The following CDH4 variants were observed in gnomAD, a reference collection of about 807,000 sequenced individuals.
CDH4 encodes cadherin 4.
CDH4 carries 33 observed loss-of-function variants against 86.0 expected under a neutral mutation model. The ratio of observed to expected loss-of-function variants is 0.38; its 90% confidence interval spans 0.29 to 0.51. The LOEUF is 0.51. CDH4 is among the 20% of genes least tolerant of loss of function. The probability of loss-of-function intolerance (pLI) is 0.86; values close to 1 mark genes in which losing one functional copy is unlikely to be tolerated. For missense variants in CDH4, 1,114 were observed against 1,307.4 expected, an observed-to-expected ratio of 0.85 and a Z score of 2.28; for synonymous variants, 555 against 549.4, an observed-to-expected ratio of 1.01 and a Z score of -0.14.
chr20:61,494,180 G>C (rs938550775), intron 2 of CDH4, among the ~76,000 whole-genome samples: 3 of 152,226 alleles, frequency 2.0e-5, no homozygotes, highest in Non-Finnish European at 2.9e-5. Flanking sequence ...CCCAGGTTCT[G>C]ACTTAAAATC....
At chr20:61,777,405 G>A (rs916420738) in intron 4 of CDH4, among the ~76,000 whole-genome samples, 4 of 152,222 alleles carry the variant, frequency 2.6e-5, no homozygotes, top group South Asian at 4.1e-4. Context: ...TGCAAGTATC[G>A]CTGTGGCTCA....
chr20:61,459,023 T>C (rs1324980724), intron 2 of CDH4, among the ~76,000 whole-genome samples: 1 of 151,780 alleles, frequency 6.6e-6, no homozygotes, highest in Non-Finnish European at 1.5e-5. Flanking sequence ...GCATTGTCTA[T>C]TCTGTCTGGA....
intron 4 of CDH4, among the ~76,000 whole-genome samples, chr20:61,812,909 C>A (rs1346876459): frequency 6.6e-6 from 1 of 152,194 alleles, no homozygotes; most frequent in Non-Finnish European, 1.5e-5. Flanking sequence ...TCACAGCCGC[C>A]TGGTAACACA....
chr20:61,882,301 G>A (rs1984316463), intron 7 of CDH4, among the ~76,000 whole-genome samples: 1 of 152,268 alleles, frequency 6.6e-6, no homozygotes, highest in South Asian at 2.1e-4. Context: ...AGGTTACTTA[G>A]GAGGAAGGAG....
rs2180098 is a variant in CDH4, at chr20:61,629,970, T to G, written c.170-113593T>G. On this transcript the variant is annotated intron_variant, in intron 2 of 15. Coordinates refer to ENST00000614565, the MANE Select transcript of CDH4 (RefSeq NM_001794.5). The stretch of plus-strand genomic sequence containing the variant: ...CATGACCTGTGGCTCGGAGGACAGC[T>G]GACTGCCTTGTCCCAGCTTTCCACC... Among the ~76,000 whole-genome samples the G allele has an allele frequency of 8.7e-3, 1,325 of 152,306 alleles. 18 individuals are homozygous for G. The highest frequency in any genetic ancestry group is 0.031 in the African/African-American group (1,281 of 41,568).
At chr20:61,867,828 G>T (rs1041461892) in intron 6 of CDH4, among the ~76,000 whole-genome samples, 1 of 152,188 alleles carries the variant, frequency 6.6e-6, no homozygotes, top group Non-Finnish European at 1.5e-5. Flanking sequence ...TCCTTTCCAC[G>T]GGGGAGTGGG....
At chr20:61,381,824 C>G (rs2084902803) in intron 2 of CDH4, among the ~76,000 whole-genome samples, 1 of 152,166 alleles carries the variant, frequency 6.6e-6, no homozygotes, top group Non-Finnish European at 1.5e-5. Context: ...ACCTGTAATC[C>G]TAGCACTTTG....
chr20:61,258,860 T>C (rs1014603945), intron 2 of CDH4, among the ~76,000 whole-genome samples: 1 of 152,254 alleles, frequency 6.6e-6, no homozygotes, highest in Non-Finnish European at 1.5e-5. Context: ...TCTGCATTTC[T>C]TCCCTGTACC....
chr20:61,557,620 A>G (rs2086187213), intron 2 of CDH4, among the ~76,000 whole-genome samples: 1 of 152,168 alleles, frequency 6.6e-6, no homozygotes, highest in Admixed American at 6.5e-5. Flanking sequence ...ATGAGTGAAA[A>G]TGCCGCTCTT....
intron 2 of CDH4, among the ~76,000 whole-genome samples, chr20:61,650,285 G>C (rs2087107873): frequency 6.6e-6 from 1 of 152,184 alleles, no homozygotes. Context: ...TACTGTTCAA[G>C]ATTCCAGCTG....
chr20:61,309,605 T>C (rs2084434959), intron 2 of CDH4, among the ~76,000 whole-genome samples: 1 of 152,224 alleles, frequency 6.6e-6, no homozygotes, highest in South Asian at 2.1e-4. Context: ...AAATGGTTTA[T>C]AGACAAAACT....
At chr20:61,328,614 T>A (rs1315610325) in intron 2 of CDH4, among the ~76,000 whole-genome samples, 1 of 152,062 alleles carries the variant, frequency 6.6e-6, no homozygotes. Context: ...CCAAACCCCA[T>A]CTTTACTAAA....
At chr20:61,772,014 AC>A (rs1010856891) in intron 3 of CDH4, among the ~76,000 whole-genome samples, 28 of 152,122 alleles carry the variant, frequency 1.8e-4, no homozygotes, top group African/African-American at 6.0e-4. Context: ...GACCGCGGGG[AC>A]CCAGCAGCAG....
chr20:61,559,663 C>T (rs923682890), intron 2 of CDH4, among the ~76,000 whole-genome samples: 2 of 151,466 alleles, frequency 1.3e-5, no homozygotes, highest in African/African-American at 2.4e-5. Context: ...GGACTACAGG[C>T]GTGTGCTGCT....
chr20:61,464,798 G>C (rs370886688), intron 2 of CDH4, among the ~76,000 whole-genome samples: 2 of 152,168 alleles, frequency 1.3e-5, no homozygotes, highest in African/African-American at 4.8e-5. Context: ...CATCCACTGG[G>C]GGGTGGAGGG....
intron 2 of CDH4, among the ~76,000 whole-genome samples, chr20:61,715,306 C>T (rs754147719): frequency 6.6e-5 from 10 of 152,068 alleles, no homozygotes; most frequent in Non-Finnish European, 1.0e-4. Flanking sequence ...GCATATGAGT[C>T]CTTTGTTGGA....
intron 2 of CDH4, among the ~76,000 whole-genome samples, chr20:61,256,996 G>A (rs2084102177): frequency 6.6e-6 from 1 of 152,252 alleles, no homozygotes; most frequent in Non-Finnish European, 1.5e-5. Flanking sequence ...TGTACGCAGA[G>A]TACTTTGAAA....
chr20:61,890,402 A>G (rs984963681), intron 7 of CDH4, among the ~76,000 whole-genome samples: 1 of 149,216 alleles, frequency 6.7e-6, no homozygotes, highest in African/African-American at 2.5e-5. Context: ...AGATGGGTGG[A>G]TGGATGGATG....
chr20:61,395,291 T>C (rs2085010407), intron 2 of CDH4, among the ~76,000 whole-genome samples: 1 of 152,162 alleles, frequency 6.6e-6, no homozygotes, highest in South Asian at 2.1e-4. Flanking sequence ...TGTACTACTG[T>C]TATTTAGTAA....
Sources: allele counts gnomAD v4.1 joint callset (sites outside exome capture counted in the v4.1 genomes callset), GRCh38; gene constraint gnomAD v4.1.1; transcripts MANE v1.5; gene names NCBI Gene and HGNC (gene_info 2026-07-23, HGNC 2026-07-21).